Variants in PIGU observed in about 807,000 individuals in gnomAD.
The protein encoded by PIGU is GPI-anchor transamidase component PIGU.
Under a neutral mutation model 49.9 loss-of-function variants are expected in PIGU, and 24 were observed. That is an observed-to-expected ratio of 0.48 (90% CI 0.35 to 0.68). PIGU has a LOEUF of 0.68. PIGU is among the 30% of genes least tolerant of loss of function. The pLI is 0.01. For missense variants in PIGU, 490 were observed against 532.6 expected, an observed-to-expected ratio of 0.92 and a Z score of 0.79; for synonymous variants, 220 against 205.7, an observed-to-expected ratio of 1.07 and a Z score of -0.59.
intron 1 of PIGU, among the ~76,000 whole-genome samples, chr20:34,667,837 G>C: frequency 6.6e-6 from 1 of 152,120 alleles, no homozygotes. Context: ...CCCCTAAAAT[G>C]CTGATTAATT....
At position 34,654,079 on chromosome 20, in the gene PIGU, G is replaced by A. The variant is rs1239022249; in HGVS notation, c.195+3101C>T. ...TCGCCATATTGGCCAGGCTGGTCTC[G>A]AACTCCCGACCTTGTGATCCGCCCG... On this transcript the variant is annotated intron_variant, in intron 2 of 11. Coordinates refer to ENST00000217446, the MANE Select transcript of PIGU (RefSeq NM_080476.5). 3.5e-5 allele frequency among the ~76,000 whole-genome samples: 4 copies of A among 114,246 alleles called. 1 individual carries two copies. Among genetic ancestry groups the A allele is most frequent in the Non-Finnish European group, 5.6e-5 (3 of 53,292 alleles). The allele number at this position is 114,246 out of a possible 152,430, so 74.9% of individuals were successfully genotyped here.
intron 6 of PIGU, among the ~76,000 whole-genome samples, chr20:34,618,693 G>A (rs1402656660): frequency 6.6e-6 from 1 of 152,110 alleles, no homozygotes; most frequent in African/African-American, 2.4e-5. Context: ...AGGCTGAGGT[G>A]GGAGGATCAC....
intron 7 of PIGU, among the ~76,000 whole-genome samples, chr20:34,613,027 T>C (rs972029946): frequency 1.3e-5 from 2 of 152,184 alleles, no homozygotes; most frequent in African/African-American, 4.8e-5. Flanking sequence ...AATTTCTGCA[T>C]AAATGGGATC....
At chr20:34,614,613 A>C (rs1262546534) in intron 7 of PIGU, among the ~76,000 whole-genome samples, 3 of 145,724 alleles carry the variant, frequency 2.1e-5, no homozygotes, top group African/African-American at 7.7e-5. Context: ...TGACAGAGCA[A>C]GGACCTGCTC....
rs1209485968 is a variant in PIGU, at chr20:34,560,820, G to A, written c.*46C>T. 1 of 1,399,886 alleles carries A rather than the reference G, an allele frequency of 7.1e-7. No homozygotes were observed. The highest frequency in any genetic ancestry group is 9.7e-7 in the Non-Finnish European group (1 of 1,030,744). 86.7% of individuals were successfully genotyped at this position (1,399,886 alleles called of 1,614,324 possible). A position where few individuals can be genotyped will look rare whatever the true frequency, so the allele number is the denominator to read the frequency against. On this transcript the variant is annotated 3_prime_UTR_variant, in exon 12 of 12. Coordinates refer to ENST00000217446, the MANE Select transcript of PIGU (RefSeq NM_080476.5). ...GGCTGGAGGGCTTGGCCCAGCTTCT[G>A]GCCCCACAGCCCCCTGAGGTCCATG...
At chr20:34,562,712 G>A (rs966986362) in intron 11 of PIGU, 4 of 544,078 alleles carry the variant, frequency 7.4e-6, no homozygotes, top group African/African-American at 5.9e-5. Context: ...GATCACTGAT[G>A]AGCACGAGAT....
At chr20:34,606,194 G>A in intron 7 of PIGU, among the ~76,000 whole-genome samples, 1 of 149,058 alleles carries the variant, frequency 6.7e-6, no homozygotes, top group East Asian at 2.0e-4. Context: ...GGCGGAGGTT[G>A]CAGTGAGCCG....
Position 34,634,651 on chromosome 20 carries a change from T to C in PIGU, c.493A>G (p.Thr165Ala). 6.2e-7 allele frequency: 1 copy of C among 1,613,078 alleles called. No individual in the cohort carries two copies. Among genetic ancestry groups the C allele is most frequent in the South Asian group, 1.1e-5 (1 of 91,058 alleles). Reference protein sequence around the residue: ...VAKSTCAINNTLIAFFILTTI... With the variant: ...VAKSTCAINNALIAFFILTTI... ...GTCAAAATGAAGAAAGCAATGAGGGTGTTGTTGATGGCACAGGTAGACTTG... is the reference window on the plus strand; with the variant it reads ...GTCAAAATGAAGAAAGCAATGAGGGCGTTGTTGATGGCACAGGTAGACTTG... The change falls in exon 6 of 12, where the codon ACC becomes GCC. Residue 165 changes from threonine (T) to alanine (A), a missense_variant. Physicochemically the swap from Thr to Ala is moderately conservative, Grantham distance 58. Coordinates refer to ENST00000217446, the MANE Select transcript of PIGU (RefSeq NM_080476.5).
chr20:34,659,580 G>T (rs1478800193), intron 1 of PIGU, among the ~76,000 whole-genome samples: 1 of 152,206 alleles, frequency 6.6e-6, no homozygotes, highest in African/African-American at 2.4e-5. Flanking sequence ...AACGGGCCAG[G>T]ATGACAATGG....
At chr20:34,621,438 G>A (rs1368087941) in intron 6 of PIGU, among the ~76,000 whole-genome samples, 4 of 152,264 alleles carry the variant, frequency 2.6e-5, no homozygotes, top group South Asian at 2.1e-4. Context: ...TGCTCTCTGT[G>A]GAGTAAACTA....
chr20:34,660,015 C>G (rs1178595069), intron 1 of PIGU, among the ~76,000 whole-genome samples: 3 of 148,004 alleles, frequency 2.0e-5, no homozygotes, highest in Admixed American at 1.4e-4. Context: ...CCTGCCAAAT[C>G]CCCCTCTGCG....
chr20:34,634,544 C>T (rs1600646779), intron 6 of PIGU, 71 bp downstream of exon 6: 2 of 1,440,826 alleles, frequency 1.4e-6, no homozygotes, highest in Non-Finnish European at 1.8e-6. Flanking sequence ...AAAACAAAAC[C>T]ACAGCACAAG....
intron 6 of PIGU, among the ~76,000 whole-genome samples, chr20:34,620,276 T>A (rs969564198): frequency 6.6e-6 from 1 of 152,222 alleles, no homozygotes; most frequent in African/African-American, 2.4e-5. Context: ...CACTGGACTA[T>A]TCCCAATTTC....
Position 34,567,213 on chromosome 20 carries a change from C to T in PIGU, c.1195-6234G>A, listed in dbSNP as rs117824235. ...GAAGCTGGGAGGCAGAGGAGGCTGG[C>T]GGCCGACTGTGGAGCTGGACAGCAC... On this transcript the variant is annotated intron_variant, in intron 11 of 11. Transcript: ENST00000217446. Among the ~76,000 whole-genome samples the T allele has an allele frequency of 8.8e-3, 1,337 of 152,324 alleles. 9 individuals are homozygous for T. The highest frequency in any genetic ancestry group is 0.034 in the Middle Eastern group (10 of 294).
At chr20:34,609,132 C>A (rs377350962) in intron 7 of PIGU, among the ~76,000 whole-genome samples, 55 of 151,976 alleles carry the variant, frequency 3.6e-4, no homozygotes, top group Middle Eastern at 3.4e-3. Flanking sequence ...AACCAACCAA[C>A]CAACCAAACA....
Position 34,619,512 on chromosome 20 carries a change from C to T in PIGU, c.530-3373G>A, listed in dbSNP as rs547179342. Among the ~76,000 whole-genome samples, 10 of 152,252 alleles carry T rather than the reference C, an allele frequency of 6.6e-5. No homozygotes were observed. In the South Asian group the frequency reaches 1.9e-3, roughly 28 times the overall value. ...TGGTTCTCTACGGATTGAAAGCAGG[C>T]GAGAGAAGAGGCCCATGTGTCTGTT... is the stretch of plus-strand genomic sequence containing the variant. On this transcript the variant is annotated intron_variant, in intron 6 of 11. Coordinates refer to ENST00000217446, the MANE Select transcript of PIGU (RefSeq NM_080476.5).
chr20:34,606,254 C>CAAA (rs35050660), intron 7 of PIGU, among the ~76,000 whole-genome samples: 7 of 83,864 alleles, frequency 8.3e-5, no homozygotes, highest in Non-Finnish European at 1.2e-4. Flanking sequence ...GACTCCGTCT[C>CAAA]AAAAAAAAAA....
At position 34,585,496 on chromosome 20, in the gene PIGU, A is replaced by G. The variant is rs1328342703; in HGVS notation, c.867T>C (p.Phe289=). ...AEMFEHFSLF[F]VCVFQINVFF... The stretch of plus-strand genomic sequence containing the variant: ...AGACGTTGATCTGAAACACACATAC[A>G]AAGAAGAGGCTGAAGTGCTCAAACA... The change falls in exon 9 of 12, where the codon TTT becomes TTC. Residue 289 remains phenylalanine (F), a synonymous_variant. Coordinates refer to ENST00000217446, the MANE Select transcript of PIGU (RefSeq NM_080476.5). The G allele has an allele frequency of 6.2e-7, 1 of 1,613,880 alleles. No individual in the cohort carries two copies. The highest frequency in any genetic ancestry group is 1.7e-5 in the Admixed American group (1 of 60,034).
At chr20:34,586,832 T>G (rs1227756895) in intron 8 of PIGU, among the ~76,000 whole-genome samples, 1 of 152,176 alleles carries the variant, frequency 6.6e-6, no homozygotes, top group Non-Finnish European at 1.5e-5. Flanking sequence ...CATCCATTCC[T>G]GTTTAGAATT....
Sources: allele counts gnomAD v4.1 joint callset (sites outside exome capture counted in the v4.1 genomes callset), GRCh38; gene constraint gnomAD v4.1.1; transcripts MANE v1.5; gene names NCBI Gene and HGNC (gene_info 2026-07-23, HGNC 2026-07-21).